Variants in ELMO1 observed in about 807,000 individuals in gnomAD.
ELMO1 encodes engulfment and cell motility 1.
Under a neutral mutation model 98.9 loss-of-function variants are expected in ELMO1, and 26 were observed. That is an observed-to-expected ratio of 0.26 (90% CI 0.19 to 0.36). The LOEUF (loss-of-function observed/expected upper bound fraction) is 0.36. ELMO1 is among the 10% of genes least tolerant of loss of function. The pLI, the probability that ELMO1 is intolerant of heterozygous loss-of-function variation, is 1.00. For missense variants in ELMO1, 627 were observed against 935.2 expected, an observed-to-expected ratio of 0.67 and a Z score of 4.30; for synonymous variants, 346 against 346.0, an observed-to-expected ratio of 1.00 and a Z score of 0.00.
chr7:37,182,584 C>T (rs550522342), intron 13 of ELMO1, among the ~76,000 whole-genome samples: 1 of 151,364 alleles, frequency 6.6e-6, no homozygotes, highest in East Asian at 2.0e-4. Flanking sequence ...TCTCCCTCCC[C>T]CTCCTCTCTC....
chr7:37,358,685 A>C (rs1801586592), intron 1 of ELMO1, among the ~76,000 whole-genome samples: 1 of 152,068 alleles, frequency 6.6e-6, no homozygotes, highest in South Asian at 2.1e-4. Context: ...TTGATTTGAA[A>C]CTCCTACAAA....
Position 37,061,581 on chromosome 7 carries a change from A to T in ELMO1, c.1300+35038T>A, listed in dbSNP as rs562528286. Among the ~76,000 whole-genome samples the T allele has an allele frequency of 2.6e-5, 4 of 152,258 alleles. No homozygotes were observed. The East Asian group carries it at 5.8e-4, about 22-fold the overall frequency. On this transcript the variant is annotated intron_variant, in intron 15 of 21. Transcript: ENST00000310758. ...AACAGACATTGAGGTGGACTAGTGG[A>T]GAAGAGTGATAAATCAACCAGTGGT...
intron 1 of ELMO1, among the ~76,000 whole-genome samples, chr7:37,389,076 G>C (rs1429688164): frequency 6.6e-6 from 1 of 152,160 alleles, no homozygotes; most frequent in African/African-American, 2.4e-5. Context: ...AGCAAACTAG[G>C]CTTTCTTTTT....
At chr7:37,036,279 A>G in intron 15 of ELMO1, among the ~76,000 whole-genome samples, 1 of 152,190 alleles carries the variant, frequency 6.6e-6, no homozygotes, top group African/African-American at 2.4e-5. Flanking sequence ...GGTCAACTGT[A>G]CTTTGTCATG....
At chr7:36,957,306 A>G (rs1788540737) in intron 16 of ELMO1, among the ~76,000 whole-genome samples, 1 of 132,300 alleles carries the variant, frequency 7.6e-6, no homozygotes. Context: ...TGCAGCCCCT[A>G]CTGGACCACT....
At chr7:37,223,573 A>T (rs1015561317) in intron 9 of ELMO1, among the ~76,000 whole-genome samples, 4 of 152,044 alleles carry the variant, frequency 2.6e-5, no homozygotes, top group South Asian at 2.1e-4. Context: ...AGAATAATAA[A>T]CTCTCCACTT....
intron 13 of ELMO1, chr7:37,204,262 T>C (rs915347348): frequency 2.2e-6 from 1 of 454,488 alleles, no homozygotes; most frequent in African/African-American, 2.0e-5. Flanking sequence ...TTCTTAAAGA[T>C]GGTGTGTCCA....
chr7:37,404,911 T>A (rs1803690025), intron 1 of ELMO1, among the ~76,000 whole-genome samples: 1 of 152,184 alleles, frequency 6.6e-6, no homozygotes, highest in Non-Finnish European at 1.5e-5. Flanking sequence ...CCCCTCTTTG[T>A]TCCCCCCATT....
At position 37,271,858 on chromosome 7, in the gene ELMO1, T is replaced by C. The variant is rs768361701; in HGVS notation, c.217A>G (p.Thr73Ala). The C allele has an allele frequency of 6.2e-7, 1 of 1,614,014 alleles. No homozygotes were observed. Among genetic ancestry groups the C allele is most frequent in the Non-Finnish European group, 8.5e-7 (1 of 1,179,988 alleles). Reference sequence around the variant, plus strand: ...GGAGATGTGGTTAATCGAAGGATAGTGCCATTTTTTATCTCATTGCGGTTC... The same window carrying C: ...GGAGATGTGGTTAATCGAAGGATAGCGCCATTTTTTATCTCATTGCGGTTC... ...EKNRNEIKNGTILRLTTSPAQ... is the reference protein window; with the variant it reads ...EKNRNEIKNGAILRLTTSPAQ... The change falls in exon 5 of 22, where the codon ACT becomes GCT. Residue 73 changes from threonine (T) to alanine (A), a missense_variant. Coordinates refer to ENST00000310758, the MANE Select transcript of ELMO1 (RefSeq NM_014800.11).
intron 15 of ELMO1, among the ~76,000 whole-genome samples, chr7:37,031,564 C>T (rs1261136018): frequency 1.3e-5 from 2 of 152,140 alleles, no homozygotes; most frequent in African/African-American, 4.8e-5. Flanking sequence ...TTCTTTTACG[C>T]CCATTCTCTA....
intron 7 of ELMO1, among the ~76,000 whole-genome samples, chr7:37,235,656 A>C (rs1233647341): frequency 6.6e-6 from 1 of 152,212 alleles, no homozygotes; most frequent in Non-Finnish European, 1.5e-5. Context: ...CTATTAGCCT[A>C]GTGCCGTGGT....
At chr7:36,937,673 T>C (rs1280407667) in intron 16 of ELMO1, among the ~76,000 whole-genome samples, 4 of 152,256 alleles carry the variant, frequency 2.6e-5, no homozygotes, top group African/African-American at 9.6e-5. Flanking sequence ...CAGACTGTTA[T>C]CAGATGTCCT....
At chr7:36,890,460 T>C (rs1231457463) in intron 17 of ELMO1, among the ~76,000 whole-genome samples, 1 of 152,178 alleles carries the variant, frequency 6.6e-6, no homozygotes, top group African/African-American at 2.4e-5. Flanking sequence ...GTCTCGTAGC[T>C]TCACATATCC....
At chr7:37,240,661 G>C (rs1794721599) in intron 7 of ELMO1, among the ~76,000 whole-genome samples, 1 of 151,838 alleles carries the variant, frequency 6.6e-6, no homozygotes, top group South Asian at 2.1e-4. Flanking sequence ...TCACAAATTT[G>C]GGTATGTTGT....
chr7:37,409,263 T>C (rs1237636200), intron 1 of ELMO1, among the ~76,000 whole-genome samples: 1 of 152,212 alleles, frequency 6.6e-6, no homozygotes, highest in Non-Finnish European at 1.5e-5. Context: ...TAACTAGTGA[T>C]AATAATGAAG....
intron 9 of ELMO1, 35 bp from the exon 10 acceptor site, chr7:37,222,728 C>T (rs1464632935): frequency 1.9e-6 from 3 of 1,601,616 alleles, no homozygotes; most frequent in East Asian, 2.2e-5. Flanking sequence ...AAAATCAGAA[C>T]ACGAAGTCAG....
At chr7:37,175,467 C>A (rs1437959113) in intron 13 of ELMO1, among the ~76,000 whole-genome samples, 2 of 152,202 alleles carry the variant, frequency 1.3e-5, no homozygotes, top group African/African-American at 4.8e-5. Context: ...GGCGGCCCAC[C>A]ATGGAGTTAC....
chr7:37,072,606 G>A (rs563958854), intron 15 of ELMO1, among the ~76,000 whole-genome samples: 1 of 152,266 alleles, frequency 6.6e-6, no homozygotes, highest in East Asian at 1.9e-4. Flanking sequence ...AACTACGTAA[G>A]TAAAACCACC....
At chr7:37,260,739 G>A (rs1173080240) in intron 5 of ELMO1, among the ~76,000 whole-genome samples, 1 of 151,994 alleles carries the variant, frequency 6.6e-6, no homozygotes, top group Non-Finnish European at 1.5e-5. Context: ...AAACAGACAC[G>A]TTGCATCAGA....
Sources: allele counts gnomAD v4.1 joint callset (sites outside exome capture counted in the v4.1 genomes callset), GRCh38; gene constraint gnomAD v4.1.1; transcripts MANE v1.5; gene names NCBI Gene and HGNC (gene_info 2026-07-23, HGNC 2026-07-21).